Variants in GPC4 observed in about 807,000 individuals in gnomAD.
The protein encoded by GPC4 is glypican 4.
A neutral mutation model predicts 35.0 loss-of-function variants in GPC4; 10 were observed. The observed-to-expected ratio is 0.29, with a 90% CI of 0.18 to 0.48. The LOEUF (loss-of-function observed/expected upper bound fraction) is 0.48. Ranked by LOEUF, GPC4 falls within the 20% of genes least tolerant of loss-of-function variation. The probability of loss-of-function intolerance (pLI) is 0.99; values close to 1 mark genes in which losing one functional copy is unlikely to be tolerated. For synonymous variants in GPC4, 167 were observed against 170.2 expected (o/e 0.98, Z 0.15); for missense variants, 322 against 451.3 (o/e 0.71, Z 2.60).
chrX:133,375,660 A>G, intron 1 of GPC4, among the ~76,000 whole-genome samples: 1 of 112,096 alleles, frequency 8.9e-6, no homozygotes, highest in Middle Eastern at 4.6e-3. Context: ...CTCTGCTCAG[A>G]GGAGCCAAGC....
chrX:133,335,999 T>A (rs897864935), intron 2 of GPC4, among the ~76,000 whole-genome samples: 3 of 111,625 alleles, frequency 2.7e-5, no homozygotes, highest in Non-Finnish European at 5.6e-5. Context: ...GCTGTCTCTG[T>A]GCAACTTCAC....
At chrX:133,367,009 G>A (rs895099872) in intron 1 of GPC4, among the ~76,000 whole-genome samples, 1 of 111,831 alleles carries the variant, frequency 8.9e-6, no homozygotes, top group South Asian at 3.8e-4. Context: ...TACACCAAGT[G>A]GCCAGTAAGA....
At chrX:133,325,169 C>A (rs1603064843) in intron 2 of GPC4, among the ~76,000 whole-genome samples, 1 of 110,815 alleles carries the variant, frequency 9.0e-6, no homozygotes, top group African/African-American at 3.3e-5. Flanking sequence ...TTCTCTGTGA[C>A]AGTAGTACAA....
chrX:133,349,705 C>T (rs1419874501), intron 1 of GPC4, among the ~76,000 whole-genome samples: 2 of 112,075 alleles, frequency 1.8e-5, no homozygotes, highest in African/African-American at 3.2e-5. Flanking sequence ...ACTGCAGTCT[C>T]GACCTCCTGG....
intron 1 of GPC4, among the ~76,000 whole-genome samples, chrX:133,378,032 C>T (rs979039830): frequency 1.8e-4 from 19 of 108,046 alleles, no homozygotes; most frequent in African/African-American, 6.4e-4. Context: ...GTAGCTGGGA[C>T]TACAGGTGTG....
At chrX:133,394,537 C>T (rs2068734090) in intron 1 of GPC4, among the ~76,000 whole-genome samples, 1 of 110,721 alleles carries the variant, frequency 9.0e-6, no homozygotes, top group Admixed American at 9.7e-5. Flanking sequence ...GTCCAGCTCA[C>T]CCCAATTATT....
intron 1 of GPC4, among the ~76,000 whole-genome samples, chrX:133,379,325 T>C (rs893776307): frequency 8.9e-6 from 1 of 112,478 alleles, no homozygotes; most frequent in Non-Finnish European, 1.9e-5. Flanking sequence ...AAAAGTCATA[T>C]ATTGTATGAT....
At position 133,302,764 on chromosome X, in the gene GPC4, T is replaced by C. The variant is rs190059315; in HGVS notation, c.*103A>G. On this transcript the variant is annotated 3_prime_UTR_variant, in exon 9 of 9. Coordinates refer to ENST00000370828, the MANE Select transcript of GPC4 (RefSeq NM_001448.3). Reference sequence around the variant, plus strand: ...GTGGCCACATAGTAAAAACTGTACATTGTTGTCCATTCATTTAAAAAGCAA... The same window carrying C: ...GTGGCCACATAGTAAAAACTGTACACTGTTGTCCATTCATTTAAAAAGCAA... 8.5e-4 allele frequency: 621 copies of C among 733,252 alleles called. 3 individuals carry two copies. The African/African-American group carries it at 0.012, about 14-fold the overall frequency. 60.4% of individuals were successfully genotyped at this position (733,252 alleles called of 1,213,427 possible).
rs2068270938 is a variant in GPC4 at position 133,302,477 on chromosome X, C to T, written c.*390G>A. ...ATATTTCAGAAATACGTACATGTTA[C>T]GTGCCAAGAAGGGACCCTGGTTTGC... On this transcript the variant is annotated 3_prime_UTR_variant, in exon 9 of 9. Coordinates refer to ENST00000370828, the MANE Select transcript of GPC4 (RefSeq NM_001448.3). The T allele has an allele frequency of 7.8e-6, 1 of 128,099 alleles. No individual in the cohort carries two copies. The highest frequency in any genetic ancestry group is 1.5e-5 in the Non-Finnish European group (1 of 64,594). The allele number at this position is 128,099 out of a possible 1,213,427, so 10.6% of individuals were successfully genotyped here. A position where few individuals can be genotyped will look rare whatever the true frequency, so the allele number is the denominator to read the frequency against.
chrX:133,341,069 G>C (rs113047947), intron 1 of GPC4, among the ~76,000 whole-genome samples: 22 of 112,158 alleles, frequency 2.0e-4, no homozygotes, highest in African/African-American at 5.5e-4. Context: ...TCTCATTAGT[G>C]ACAGAAGAGG....
chrX:133,357,378 T>C (rs1316196847), intron 1 of GPC4, among the ~76,000 whole-genome samples: 2 of 97,652 alleles, frequency 2.0e-5, no homozygotes, highest in East Asian at 3.2e-4. Flanking sequence ...AGGAAGACTC[T>C]CTCAAAAAAA....
chrX:133,398,605 C>T (rs2068754894), intron 1 of GPC4, among the ~76,000 whole-genome samples: 1 of 110,710 alleles, frequency 9.0e-6, no homozygotes, highest in South Asian at 3.9e-4. Flanking sequence ...CCTTCCTCTA[C>T]TAAAAATACA....
chrX:133,394,218 C>T (rs1186699125), intron 1 of GPC4, among the ~76,000 whole-genome samples: 2 of 109,097 alleles, frequency 1.8e-5, no homozygotes, highest in African/African-American at 3.3e-5. Context: ...TGCAGTGAGC[C>T]GAGACTGCGC....
chrX:133,410,942 C>T (rs1424620970), intron 1 of GPC4, among the ~76,000 whole-genome samples: 1 of 111,947 alleles, frequency 8.9e-6, no homozygotes, highest in Non-Finnish European at 1.9e-5. Context: ...TTGATGATTC[C>T]AACAAAACAG....
chrX:133,329,717 C>T (rs768753986), intron 2 of GPC4, among the ~76,000 whole-genome samples: 1 of 111,581 alleles, frequency 9.0e-6, no homozygotes, highest in African/African-American at 3.3e-5. Flanking sequence ...CATTTGCATA[C>T]TACCTTCTTT....
At position 133,339,268 on chromosome X, in the gene GPC4, T is replaced by G; in HGVS notation, c.234A>C (p.Gln78His). 8.3e-7 allele frequency: 1 copy of G among 1,211,122 alleles called. No individual in the cohort carries two copies. The highest frequency in any genetic ancestry group is 1.1e-6 in the Non-Finnish European group (1 of 894,834). ...SQEMEEKYSLQSKDDFKSVVS... is the reference protein window; with the variant it reads ...SQEMEEKYSLHSKDDFKSVVS... ...CCACACTTTTGAAATCATCTTTACT[T>G]TGCAGGCTGTACTTCTCCTCCATCT... Residue 78 changes from glutamine (Q) to histidine (H), a missense_variant, in exon 2 of 9, where the codon CAA (glutamine) becomes CAC (histidine). Physicochemically the swap from Gln to His is conservative, Grantham distance 24. Around this residue, in one of 3 missense-constraint regions of GPC4, gnomAD observed 60 missense variants for 64.1 expected, o/e 0.94. Coordinates refer to ENST00000370828, the MANE Select transcript of GPC4 (RefSeq NM_001448.3).
In GPC4 at chrX:133,414,512, G is replaced by C. The variant is rs1199586958; in HGVS notation, c.160+294C>G. The stretch of plus-strand genomic sequence containing the variant: ...CTTCCCGGGACGGCGAATAATGCAG[G>C]GGGGAGAGGAGGAGCGGAGGCGGGG... On this transcript the variant is annotated intron_variant, in intron 1 of 8. Coordinates refer to ENST00000370828, the MANE Select transcript of GPC4 (RefSeq NM_001448.3). 6.6e-6 allele frequency: 5 copies of C among 752,370 alleles called. No individual in the cohort carries two copies. The Admixed American group carries it at 3.5e-4, about 53-fold the overall frequency. The allele number at this position is 752,370 out of a possible 1,213,427, so 62.0% of individuals were successfully genotyped here.
At chrX:133,410,018 T>C (rs1394970179) in intron 1 of GPC4, among the ~76,000 whole-genome samples, 1 of 70,577 alleles carries the variant, frequency 1.4e-5, no homozygotes, top group Non-Finnish European at 2.3e-5. Flanking sequence ...AAACCCTCAT[T>C]GGCTCAATTG....
At chrX:133,359,996 G>T (rs2124150949) in intron 1 of GPC4, among the ~76,000 whole-genome samples, 1 of 110,520 alleles carries the variant, frequency 9.0e-6, no homozygotes, top group African/African-American at 3.3e-5. Flanking sequence ...TTACGGGAAA[G>T]GTGAAATCAC....
Sources: allele counts gnomAD v4.1 joint callset (sites outside exome capture counted in the v4.1 genomes callset), GRCh38; gene constraint gnomAD v4.1.1; regional missense constraint gnomAD v4.1.1; transcripts MANE v1.5; gene names NCBI Gene and HGNC (gene_info 2026-07-23, HGNC 2026-07-21).